Variants in CSMD1 observed in about 807,000 individuals in gnomAD.
The protein encoded by CSMD1 is CUB and sushi domain-containing protein 1.
A neutral mutation model predicts 417.5 loss-of-function variants in CSMD1; 213 were observed. The ratio of observed to expected loss-of-function variants is 0.51; its 90% CI spans 0.46 to 0.57. The LOEUF is 0.57. Among genes scored for constraint, CSMD1 ranks in the 20% least tolerant of loss-of-function variants. The pLI, the probability that CSMD1 is intolerant of heterozygous loss-of-function variation, is 0.00. For synonymous variants in CSMD1, 2,862 were observed against 1,736.8 expected (o/e 1.65, Z -16.11); for missense variants, 6,923 against 4,529.7 (o/e 1.53, Z -15.17).
At chr8:3,616,570 G>A (rs1802148944) in intron 8 of CSMD1, 140 bp downstream of exon 8, 1 of 609,318 alleles carries the variant, frequency 1.6e-6, no homozygotes, top group African/African-American at 1.9e-5. Flanking sequence ...GACAAATTGT[G>A]ATTACACACA....
intron 5 of CSMD1, among the ~76,000 whole-genome samples, chr8:3,834,452 G>A (rs962916237): frequency 1.3e-5 from 2 of 152,156 alleles, no homozygotes; most frequent in African/African-American, 2.4e-5. Context: ...GGCTTCCCCG[G>A]CAGGCAGTGC....
At chr8:4,229,401 C>T (rs76728926) in intron 3 of CSMD1, among the ~76,000 whole-genome samples, 2 of 152,228 alleles carry the variant, frequency 1.3e-5, no homozygotes, top group African/African-American at 4.8e-5. Context: ...AGATCACAAG[C>T]TAGATCATAC....
At chr8:4,460,407 C>G (rs1799741922) in intron 2 of CSMD1, among the ~76,000 whole-genome samples, 1 of 152,056 alleles carries the variant, frequency 6.6e-6, no homozygotes, top group African/African-American at 2.4e-5. Context: ...AATAGCCTCA[C>G]CTTCCACCTC....
chr8:4,886,793 T>C (rs1166119575), intron 1 of CSMD1, among the ~76,000 whole-genome samples: 1 of 152,102 alleles, frequency 6.6e-6, no homozygotes, highest in Non-Finnish European at 1.5e-5. Flanking sequence ...AAATTTATTC[T>C]TAAAATATTT....
intron 10 of CSMD1, among the ~76,000 whole-genome samples, chr8:3,500,245 AC>A (rs1251867199): frequency 6.6e-6 from 1 of 152,052 alleles, no homozygotes; most frequent in Non-Finnish European, 1.5e-5. Flanking sequence ...GTGCTTACCT[AC>A]TTGTCATTTT....
At chr8:3,015,419 G>T (rs1003173088) in intron 52 of CSMD1, among the ~76,000 whole-genome samples, 7 of 151,840 alleles carry the variant, frequency 4.6e-5, no homozygotes, top group African/African-American at 1.7e-4. Context: ...TAGTTTTGGG[G>T]GTTGTTTTGT....
chr8:4,057,452 G>C (rs919203946), intron 3 of CSMD1, among the ~76,000 whole-genome samples: 2 of 152,122 alleles, frequency 1.3e-5, no homozygotes, highest in African/African-American at 4.8e-5. Flanking sequence ...CAGATGAGTA[G>C]GTTGTGAAAA....
intron 3 of CSMD1, among the ~76,000 whole-genome samples, chr8:4,332,402 G>C (rs905150316): frequency 3.3e-5 from 5 of 152,116 alleles, no homozygotes; most frequent in African/African-American, 1.2e-4. Context: ...CAGGAGGATA[G>C]TATAAATTCT....
intron 3 of CSMD1, among the ~76,000 whole-genome samples, chr8:4,369,361 G>T (rs73508697): frequency 0.04 from 6,049 of 152,184 alleles, 296 homozygotes; most frequent in African/African-American, 0.11. Context: ...TTAAGGCCAA[G>T]CATGTGGTTG....
At chr8:4,161,909 A>G (rs917944260) in intron 3 of CSMD1, among the ~76,000 whole-genome samples, 14 of 152,212 alleles carry the variant, frequency 9.2e-5, no homozygotes, top group African/African-American at 3.4e-4. Context: ...AGACTTCATC[A>G]GTTCATATCC....
At chr8:3,715,969 G>A (rs923115765) in intron 6 of CSMD1, among the ~76,000 whole-genome samples, 4 of 152,170 alleles carry the variant, frequency 2.6e-5, no homozygotes, top group African/African-American at 9.7e-5. Context: ...CAGATGAACG[G>A]TTCTCTTTGC....
At chr8:3,952,712 T>A (rs1049789229) in intron 5 of CSMD1, among the ~76,000 whole-genome samples, 1 of 152,204 alleles carries the variant, frequency 6.6e-6, no homozygotes, top group Admixed American at 6.5e-5. Context: ...ACACTAGATG[T>A]CACTGAATTG....
chr8:4,796,130 G>C (rs903662145), intron 1 of CSMD1, among the ~76,000 whole-genome samples: 3 of 151,838 alleles, frequency 2.0e-5, no homozygotes, highest in African/African-American at 7.3e-5. Context: ...GAGAGATCCA[G>C]GACCAAAAAA....
At chr8:4,809,244 G>A (rs771080736) in intron 1 of CSMD1, among the ~76,000 whole-genome samples, 6 of 152,018 alleles carry the variant, frequency 3.9e-5, no homozygotes, top group Non-Finnish European at 7.4e-5. Context: ...TATGAATTAG[G>A]AAAAAATACT....
chr8:4,045,240 T>G (rs1798090408), intron 3 of CSMD1, among the ~76,000 whole-genome samples: 1 of 152,126 alleles, frequency 6.6e-6, no homozygotes, highest in Non-Finnish European at 1.5e-5. Flanking sequence ...TTAATGAGCT[T>G]AGGAGCAGAA....
chr8:3,849,900 C>A (rs1803776910), intron 5 of CSMD1, among the ~76,000 whole-genome samples: 2 of 152,192 alleles, frequency 1.3e-5, no homozygotes, highest in African/African-American at 4.8e-5. Context: ...CCTGCAACCT[C>A]CACCTCCCAG....
chr8:4,279,927 G>T (rs144415241), intron 3 of CSMD1, among the ~76,000 whole-genome samples: 1 of 152,216 alleles, frequency 6.6e-6, no homozygotes, highest in East Asian at 1.9e-4. Flanking sequence ...ATTAAGCAAA[G>T]ATACAAATCA....
intron 3 of CSMD1, among the ~76,000 whole-genome samples, chr8:4,098,774 T>G (rs1052612237): frequency 1.3e-5 from 2 of 152,208 alleles, no homozygotes; most frequent in African/African-American, 4.8e-5. Context: ...GGGATAGAAT[T>G]GCAGTCATTA....
intron 1 of CSMD1, among the ~76,000 whole-genome samples, chr8:4,990,028 T>TAAA (rs748787723): frequency 2.0e-5 from 3 of 152,140 alleles, no homozygotes; most frequent in African/African-American, 7.2e-5. Flanking sequence ...AAAGCCAATA[T>TAAA]AAAAATAGCC....
Sources: gnomAD v4.1 joint callset for allele counts (sites outside exome capture counted in the v4.1 genomes callset) on GRCh38, gnomAD v4.1.1 for gene constraint, MANE v1.5 for transcripts, NCBI Gene and HGNC (gene_info 2026-07-23, HGNC 2026-07-21) for gene names.